LTBP1: variants seen among roughly 807,000 people sequenced by gnomAD.
The protein encoded by LTBP1 is latent-transforming growth factor beta-binding protein 1.
Under a neutral mutation model 207.6 loss-of-function variants are expected in LTBP1, and 129 were observed. The observed-to-expected ratio is 0.62, with a 90% confidence interval of 0.54 to 0.72. The LOEUF is 0.72. Ranked by LOEUF, LTBP1 falls within the 30% of genes least tolerant of loss-of-function variation. The pLI is 0.00. For synonymous variants in LTBP1, 963 were observed against 833.7 expected (o/e 1.16, Z -2.67); for missense variants, 2,281 against 2,217.2 (o/e 1.03, Z -0.58).
At chr2:33,094,323 T>A (rs1300845809) in intron 3 of LTBP1, among the ~76,000 whole-genome samples, 1 of 152,180 alleles carries the variant, frequency 6.6e-6, no homozygotes, top group African/African-American at 2.4e-5. Context: ...AAAAAAATTT[T>A]AAATTTTTGC....
intron 5 of LTBP1, among the ~76,000 whole-genome samples, chr2:33,158,804 T>C (rs974541181): frequency 1.3e-5 from 2 of 152,192 alleles, no homozygotes; most frequent in Non-Finnish European, 2.9e-5. Context: ...CTCCTCTCCC[T>C]TTTCCCCTAA....
At chr2:33,283,040 C>T (rs1162744243) in intron 19 of LTBP1, among the ~76,000 whole-genome samples, 15 of 124,474 alleles carry the variant, frequency 1.2e-4, no homozygotes, top group African/African-American at 2.9e-4. Context: ...TCCAGCCTGG[C>T]GACAGAGCAA....
At chr2:33,127,611 T>C (rs945946802) in intron 4 of LTBP1, among the ~76,000 whole-genome samples, 1 of 152,156 alleles carries the variant, frequency 6.6e-6, no homozygotes, top group African/African-American at 2.4e-5. Flanking sequence ...ACATTTGTTA[T>C]AGATAGAAAA....
intron 31 of LTBP1, among the ~76,000 whole-genome samples, chr2:33,378,320 G>C (rs2095170186): frequency 6.6e-6 from 1 of 151,616 alleles, no homozygotes; most frequent in Non-Finnish European, 1.5e-5. Flanking sequence ...CTGCCTCCTG[G>C]GTTCAAGCGA....
intron 10 of LTBP1, among the ~76,000 whole-genome samples, chr2:33,249,634 T>A (rs147813771): frequency 6.6e-6 from 1 of 152,338 alleles, no homozygotes; most frequent in African/African-American, 2.4e-5. Context: ...AAATTTGTCT[T>A]ATGTCTGTAG....
chr2:32,982,509 G>A (rs1682916226), intron 2 of LTBP1, among the ~76,000 whole-genome samples: 1 of 152,156 alleles, frequency 6.6e-6, no homozygotes, highest in Non-Finnish European at 1.5e-5. Context: ...TAATCACCAA[G>A]TTAATCACCA....
chr2:33,302,972 C>G (rs2094014568), intron 22 of LTBP1, among the ~76,000 whole-genome samples: 1 of 150,930 alleles, frequency 6.6e-6, no homozygotes, highest in Admixed American at 6.6e-5. Flanking sequence ...CACACACACA[C>G]ACACACACAC....
chr2:33,373,858 A>T (rs1366595203), intron 31 of LTBP1, among the ~76,000 whole-genome samples: 1 of 152,230 alleles, frequency 6.6e-6, no homozygotes, highest in African/African-American at 2.4e-5. Flanking sequence ...TATGTATTTT[A>T]AATCTGCAAA....
chr2:33,140,215 T>C (rs1247299734), intron 5 of LTBP1, among the ~76,000 whole-genome samples: 1 of 152,106 alleles, frequency 6.6e-6, no homozygotes, highest in Non-Finnish European at 1.5e-5. Flanking sequence ...CTGTGTAGGT[T>C]CTCCTCACAA....
At chr2:33,398,221 T>C (rs626121) in intron 33 of LTBP1, 143 bp from the exon 34 acceptor site, 416,740 of 656,818 alleles carry the variant, frequency 0.63, 133,718 homozygotes, top group Middle Eastern at 0.7. Flanking sequence ...AAAAAAGTCA[T>C]CTTCGTCTTG....
chr2:33,218,015 C>G lies in LTBP1; in HGVS notation c.1804+361C>G, dbSNP rs190336309. On this transcript the variant is annotated intron_variant, in intron 8 of 33. Coordinates refer to ENST00000404816, the MANE Select transcript of LTBP1 (RefSeq NM_206943.4). ...CTGTAAAAAGTACAGTTGTTATTTC[C>G]TAGGTTTAAATTCCTTAAATGAGAT... Among the ~76,000 whole-genome samples the G allele has an allele frequency of 7.6e-4, 115 of 152,206 alleles. No individual in the cohort carries two copies. The Middle Eastern group carries it at 0.017, about 23-fold the overall frequency.
chr2:33,302,494 C>G (rs553109668), intron 22 of LTBP1, among the ~76,000 whole-genome samples: 1 of 152,240 alleles, frequency 6.6e-6, no homozygotes, highest in East Asian at 1.9e-4. Flanking sequence ...TTTTTCACTA[C>G]CAGTCCAGTG....
chr2:33,286,880 A>G (rs578028669), intron 19 of LTBP1, among the ~76,000 whole-genome samples: 17 of 152,286 alleles, frequency 1.1e-4, no homozygotes, highest in Middle Eastern at 3.4e-3. Context: ...GAATTGAACA[A>G]TGAGAACACA....
intron 20 of LTBP1, among the ~76,000 whole-genome samples, chr2:33,298,104 G>A (rs1385399161): frequency 1.3e-5 from 2 of 152,190 alleles, no homozygotes; most frequent in Non-Finnish European, 2.9e-5. Context: ...AAAGAAAGAA[G>A]ACATTTGTCC....
chr2:33,173,559 C>T (rs925740075), intron 5 of LTBP1, among the ~76,000 whole-genome samples: 6 of 151,894 alleles, frequency 4.0e-5, no homozygotes, highest in African/African-American at 7.2e-5. Flanking sequence ...GATTCACAGC[C>T]GAATTCTACC....
At chr2:33,035,257 C>G (rs1398175071) in intron 3 of LTBP1, among the ~76,000 whole-genome samples, 3 of 152,108 alleles carry the variant, frequency 2.0e-5, no homozygotes, top group African/African-American at 7.2e-5. Flanking sequence ...TTACTTAGTT[C>G]TAAATGACAC....
At chr2:33,276,553 G>C (rs1385384069) in intron 18 of LTBP1, among the ~76,000 whole-genome samples, 1 of 152,132 alleles carries the variant, frequency 6.6e-6, no homozygotes, top group Non-Finnish European at 1.5e-5. Context: ...GGTTCTTTTT[G>C]AAACCAATGT....
At position 33,083,646 on chromosome 2, in the gene LTBP1, G is replaced by A. The variant is rs149853902; in HGVS notation, c.864-26936G>A. 1.8e-4 allele frequency among the ~76,000 whole-genome samples: 28 copies of A among 152,230 alleles called. No individual in the cohort carries two copies. In the East Asian group the frequency reaches 2.7e-3, roughly 15 times the overall value. On this transcript the variant is annotated intron_variant, in intron 3 of 33. Transcript: ENST00000404816. ...TAGAGAACAATGGTTAGTACAGCTC[G>A]TGCCCTGTGGACCTCACCCAAGGCT...
At chr2:33,277,944 C>T (rs974375210) in intron 18 of LTBP1, among the ~76,000 whole-genome samples, 4 of 151,038 alleles carry the variant, frequency 2.6e-5, no homozygotes, top group Non-Finnish European at 5.9e-5. Flanking sequence ...ATTCTCCTGC[C>T]TCAGCCTCCT....
Sources: gnomAD v4.1 joint callset for allele counts (sites outside exome capture counted in the v4.1 genomes callset) on GRCh38, gnomAD v4.1.1 for gene constraint, MANE v1.5 for transcripts, NCBI Gene and HGNC (gene_info 2026-07-23, HGNC 2026-07-21) for gene names.